The following INSL6 variants were observed in gnomAD, a reference collection of about 807,000 sequenced individuals.
INSL6 encodes the protein insulin-like peptide INSL6.
A neutral mutation model predicts 9.4 loss-of-function variants in INSL6; 16 were observed. That is an observed-to-expected ratio of 1.70 (90% CI 1.15 to 2.59). The LOEUF is 2.59. Ranked by LOEUF, INSL6 falls within the 30% of genes most tolerant of loss-of-function variation. The pLI, the probability that INSL6 is intolerant of heterozygous loss-of-function variation, is 0.00. For missense variants in INSL6, 391 were observed against 257.3 expected (o/e 1.52, Z -3.56); for synonymous variants, 154 against 96.9 (o/e 1.59, Z -3.46).
At chr9:5,058,623 C>A in the INSL6 span, among the ~76,000 whole-genome samples, 2 of 152,172 alleles carry the variant, frequency 1.3e-5, no homozygotes, top group African/African-American at 2.4e-5. Context: ...TTTTAGGGAG[C>A]CACCATGCTG....
At chr9:5,041,540 G>C in the INSL6 span, 516 of 536,110 alleles carry the variant, frequency 9.6e-4, 2 homozygotes, top group African/African-American at 8.9e-3. Flanking sequence ...TGCTCTGCGA[G>C]AACTTCCCAG....
chr9:5,139,583 G>C (rs1265046247), intron 2 of INSL6, among the ~76,000 whole-genome samples: 2 of 152,120 alleles, frequency 1.3e-5, no homozygotes, highest in African/African-American at 2.4e-5. Flanking sequence ...TTTTCTAAAA[G>C]GTATCATATC....
the INSL6 span, among the ~76,000 whole-genome samples, chr9:5,070,791 G>C: frequency 2.0e-5 from 3 of 152,148 alleles, no homozygotes; most frequent in Admixed American, 2.0e-4. Context: ...TAGTACATAA[G>C]ATCTGATAAT....
At chr9:5,069,143 T>A in the INSL6 span, 1 of 1,613,448 alleles carries the variant, frequency 6.2e-7, no homozygotes, top group Non-Finnish European at 8.5e-7. Flanking sequence ...TGTTACCAGA[T>A]GGAAACTGTT....
chr9:5,111,648 C>A, the INSL6 span: 11 of 388,124 alleles, frequency 2.8e-5, no homozygotes, highest in South Asian at 2.1e-4. Context: ...TCATGCCCCT[C>A]GTCCCTCCCG....
chr9:5,079,008 A>G, the INSL6 span, among the ~76,000 whole-genome samples: 1 of 152,196 alleles, frequency 6.6e-6, no homozygotes, highest in Non-Finnish European at 1.5e-5. Context: ...GTTATCTTAG[A>G]TAATTTCTCT....
In INSL6 at chr9:5,153,535, A is replaced by G. The variant is rs901800006; in HGVS notation, c.376+10644T>C. On this transcript the variant is annotated intron_variant, in intron 2 of 3. Transcript: ENST00000649639. ...ATTCAATTAGGAAAAGAGGAAGTCAAATTGTCTGTTTGCAGATGACATGAT... is the reference window on the plus strand; with the variant it reads ...ATTCAATTAGGAAAAGAGGAAGTCAGATTGTCTGTTTGCAGATGACATGAT... Among the ~76,000 whole-genome samples the G allele has an allele frequency of 2.0e-5, 3 of 152,222 alleles. No individual in the cohort carries two copies. The East Asian group carries it at 5.8e-4, about 29-fold the overall frequency.
the INSL6 span, among the ~76,000 whole-genome samples, chr9:5,035,933 G>T: frequency 6.6e-6 from 1 of 152,208 alleles, no homozygotes; most frequent in Non-Finnish European, 1.5e-5. Flanking sequence ...AAAAGAGGAA[G>T]TCAAATTGTC....
At chr9:5,139,888 T>C (rs1313785977) in intron 2 of INSL6, among the ~76,000 whole-genome samples, 1 of 152,190 alleles carries the variant, frequency 6.6e-6, no homozygotes, top group Non-Finnish European at 1.5e-5. Context: ...TGAAAGCTTG[T>C]AGTGAACATG....
At chr9:5,147,281 G>C (rs984256269) in intron 2 of INSL6, among the ~76,000 whole-genome samples, 1 of 152,150 alleles carries the variant, frequency 6.6e-6, no homozygotes, top group African/African-American at 2.4e-5. Context: ...AGCAGTGGGG[G>C]ATATGTGGGG....
chr9:5,139,614 G>C (rs926015098), intron 2 of INSL6, among the ~76,000 whole-genome samples: 8 of 152,122 alleles, frequency 5.3e-5, no homozygotes, highest in African/African-American at 1.4e-4. Flanking sequence ...AATATAACTA[G>C]AAGAGTGCTA....
chr9:5,154,188 T>A (rs1488339819), intron 2 of INSL6, among the ~76,000 whole-genome samples: 1 of 152,228 alleles, frequency 6.6e-6, no homozygotes, highest in East Asian at 1.9e-4. Context: ...AACCATCTGA[T>A]CTTTGACAAA....
chr9:5,022,957 T>C, the INSL6 span, among the ~76,000 whole-genome samples: 1 of 152,254 alleles, frequency 6.6e-6, no homozygotes, highest in East Asian at 1.9e-4. Flanking sequence ...ATTTATTCTC[T>C]TATTTAAGAT....
chr9:5,034,455 A>G, the INSL6 span, among the ~76,000 whole-genome samples: 8 of 152,110 alleles, frequency 5.3e-5, no homozygotes, highest in Non-Finnish European at 1.0e-4. Context: ...GCACCACACC[A>G]CACCTATTCC....
downstream of INSL6, among the ~76,000 whole-genome samples, chr9:5,159,180 C>G (rs1417712591): frequency 6.6e-6 from 1 of 151,616 alleles, no homozygotes; most frequent in Non-Finnish European, 1.5e-5. Flanking sequence ...AAAAATATAC[C>G]AACCAAGAAA....
At chr9:5,102,378 A>C in the INSL6 span, among the ~76,000 whole-genome samples, 446 of 152,322 alleles carry the variant, frequency 2.9e-3, 4 homozygotes, top group African/African-American at 9.3e-3. Context: ...GCCTACAAGA[A>C]ATACAGGACT....
the INSL6 span, among the ~76,000 whole-genome samples, chr9:5,071,138 C>T: frequency 6.6e-6 from 1 of 152,054 alleles, no homozygotes; most frequent in Non-Finnish European, 1.5e-5. Flanking sequence ...CTGAGAAATC[C>T]TAAATTAAAA....
At chr9:5,005,131 T>TTTTTTTG in the INSL6 span, among the ~76,000 whole-genome samples, 1 of 111,920 alleles carries the variant, frequency 8.9e-6, no homozygotes, top group Non-Finnish European at 1.8e-5. Flanking sequence ...TTTTTTTTTT[T>TTTTTTTG]TAGGTACAGG....
chr9:5,088,388 T>C, the INSL6 span, among the ~76,000 whole-genome samples: 8 of 152,220 alleles, frequency 5.3e-5, no homozygotes, highest in African/African-American at 1.4e-4. Context: ...AAGAACTACA[T>C]TGTTTTATCC....
Sources: gnomAD v4.1 joint callset for allele counts (sites outside exome capture counted in the v4.1 genomes callset) on GRCh38, gnomAD v4.1.1 for gene constraint, MANE v1.5 for transcripts, NCBI Gene and HGNC (gene_info 2026-07-23, HGNC 2026-07-21) for gene names.